PPIP5K1: variants seen among roughly 807,000 people sequenced by gnomAD.
PPIP5K1 encodes the protein inositol hexakisphosphate and diphosphoinositol-pentakisphosphate kinase 1.
A neutral mutation model predicts 27.7 loss-of-function variants in PPIP5K1; 6 were observed. The ratio of observed to expected loss-of-function variants is 0.22; its 90% CI spans 0.12 to 0.43. PPIP5K1 has a LOEUF of 0.43. PPIP5K1 is among the 20% of genes least tolerant of loss of function. PPIP5K1 has a pLI of 1.00. For missense variants in PPIP5K1, 394 were observed against 635.4 expected, an observed-to-expected ratio of 0.62 and a Z score of 4.08; for synonymous variants, 145 against 242.6, an observed-to-expected ratio of 0.60 and a Z score of 3.74.
At chr15:43,552,165 G>A (rs1370475987) in intron 30 of PPIP5K1, among the ~76,000 whole-genome samples, 1 of 151,884 alleles carries the variant, frequency 6.6e-6, no homozygotes, top group Middle Eastern at 3.2e-3. Context: ...ATATTGCCCA[G>A]ACAGGTCTTG....
chr15:43,557,219 G>A (rs115534220), intron 30 of PPIP5K1, among the ~76,000 whole-genome samples: 1 of 152,096 alleles, frequency 6.6e-6, no homozygotes, highest in Non-Finnish European at 1.5e-5. Context: ...CCCAAGGGGG[G>A]GTGGATCACC....
chr15:43,560,191 AGGGGGT>A (rs1349655778), intron 29 of PPIP5K1, among the ~76,000 whole-genome samples: 12 of 151,752 alleles, frequency 7.9e-5, no homozygotes, highest in African/African-American at 2.7e-4. Context: ...GAGTAACATT[AGGGGGT>A]GGTGAGAAAG....
At chr15:43,558,750 G>T in intron 30 of PPIP5K1, 45 bp downstream of exon 30, 1 of 1,608,274 alleles carries the variant, frequency 6.2e-7, no homozygotes, top group East Asian at 2.2e-5. Flanking sequence ...AGGAAGCATG[G>T]GCATGGGGGC....
chr15:43,555,767 G>A lies in PPIP5K1; in HGVS notation c.3556+3028C>T, dbSNP rs377477187. On this transcript the variant is annotated intron_variant, in intron 30 of 31. Coordinates refer to ENST00000420765, the MANE Select transcript of PPIP5K1 (RefSeq NM_001394395.1). ...ACTACAGGTGCATGCCACCATGCCCGGCTAATTTTTTGTATTTTAGTAGAG... is the reference window on the plus strand; with the variant it reads ...ACTACAGGTGCATGCCACCATGCCCAGCTAATTTTTTGTATTTTAGTAGAG... 5.3e-5 allele frequency among the ~76,000 whole-genome samples: 8 copies of A among 151,890 alleles called. No homozygotes were observed. In the South Asian group the frequency reaches 6.2e-4, roughly 12 times the overall value.
At chr15:43,555,105 G>C (rs2082766848) in intron 30 of PPIP5K1, among the ~76,000 whole-genome samples, 1 of 152,018 alleles carries the variant, frequency 6.6e-6, no homozygotes, top group Admixed American at 6.6e-5. Flanking sequence ...CCAAAGTGCT[G>C]GGATTACAGG....
At chr15:43,549,056 AATAT>A (rs762219321) in intron 30 of PPIP5K1, among the ~76,000 whole-genome samples, 1,802 of 54,160 alleles carry the variant, frequency 0.033, 37 homozygotes, top group African/African-American at 0.059. Context: ...AAAAAAAAAA[AATAT>A]ATATATATAT....
chr15:43,551,882 C>T (rs754783300), intron 30 of PPIP5K1, among the ~76,000 whole-genome samples: 5 of 151,960 alleles, frequency 3.3e-5, no homozygotes, highest in African/African-American at 4.8e-5. Flanking sequence ...GGATTACAGG[C>T]GTGAGCCACC....
At chr15:43,559,048 G>A (rs975465845) in intron 29 of PPIP5K1, 116 bp from the exon 30 acceptor site, 13 of 1,257,666 alleles carry the variant, frequency 1.0e-5, no homozygotes, top group South Asian at 1.3e-5. Context: ...CTTTTGGAGT[G>A]TTGGGTATCC....
rs2080938145 is a variant in PPIP5K1 at position 43,542,799 on chromosome 15, A to G, written c.3557-3216T>C. On this transcript the variant is annotated intron_variant, in intron 30 of 31. Transcript: ENST00000420765. ...TGGGCTCAAGCAATCCTCCAACATC[A>G]GCCCACTGAGTAACTAGGACTATAG... Among the ~76,000 whole-genome samples the G allele has an allele frequency of 1.3e-5, 2 of 151,654 alleles. 1 individual carries two copies. The highest frequency in any genetic ancestry group is 4.2e-4 in the South Asian group (2 of 4,790).
chr15:43,558,778 A>G lies in PPIP5K1; in HGVS notation c.3556+17T>C. 1 of 1,613,232 alleles carries G rather than the reference A, an allele frequency of 6.2e-7. No homozygotes were observed. The highest frequency in any genetic ancestry group is 1.1e-5 in the South Asian group (1 of 91,084). ...ATGGGGGCAGAGAGAAGGGTAAAAA[A>G]ATAAGAATATCCCTACCTGCAGATG... On this transcript the variant is annotated intron_variant, in intron 30 of 31. Transcript: ENST00000420765.
At chr15:43,547,120 T>C (rs2081471204) in intron 30 of PPIP5K1, among the ~76,000 whole-genome samples, 1 of 152,228 alleles carries the variant, frequency 6.6e-6, no homozygotes, top group Admixed American at 6.5e-5. Context: ...GGTATGTCAC[T>C]GTGGTTTAGA....
chr15:43,537,688 CAAAA>C (rs1229197125), intron 31 of PPIP5K1, among the ~76,000 whole-genome samples: 9 of 49,260 alleles, frequency 1.8e-4, no homozygotes, highest in African/African-American at 1.9e-4. Flanking sequence ...GACTCCATCT[CAAAA>C]AAAAAAAAAA....
At chr15:43,558,403 T>A (rs2083302254) in intron 30 of PPIP5K1, among the ~76,000 whole-genome samples, 1 of 152,088 alleles carries the variant, frequency 6.6e-6, no homozygotes, top group Admixed American at 6.6e-5. Context: ...AATTTTGGTA[T>A]TTTTAGTAGA....
At chr15:43,561,322 G>A in intron 28 of PPIP5K1, among the ~76,000 whole-genome samples, 1 of 118,708 alleles carries the variant, frequency 8.4e-6, no homozygotes, top group African/African-American at 3.3e-5. Flanking sequence ...TAGAGATACT[G>A]TATCCATTAC....
intron 31 of PPIP5K1, among the ~76,000 whole-genome samples, chr15:43,536,728 A>G (rs1432689355): frequency 1.3e-5 from 2 of 152,166 alleles, no homozygotes; most frequent in African/African-American, 4.8e-5. Flanking sequence ...GATTTCCTAC[A>G]TCCTGACAGT....
rs2080413557 is a variant in PPIP5K1, at chr15:43,539,731, C to T, written c.3557-148G>A. On this transcript the variant is annotated intron_variant, in intron 30 of 31. Coordinates refer to ENST00000420765, the MANE Select transcript of PPIP5K1 (RefSeq NM_001394395.1). ...TTTCCTGGGGACCCTTCAACCAAACCATTTTCAATTTTTTAAACGTTATAT... is the reference window on the plus strand; with the variant it reads ...TTTCCTGGGGACCCTTCAACCAAACTATTTTCAATTTTTTAAACGTTATAT... The T allele has an allele frequency of 1.1e-4, 63 of 580,556 alleles. 2 individuals are homozygous for T. In the South Asian group the frequency reaches 1.4e-3, roughly 13 times the overall value. The allele number at this position is 580,556 out of a possible 1,614,324, so 36.0% of individuals were successfully genotyped here.
chr15:43,543,728 T>C (rs2081047628), intron 30 of PPIP5K1, among the ~76,000 whole-genome samples: 2 of 151,822 alleles, frequency 1.3e-5, no homozygotes, highest in South Asian at 4.1e-4. Context: ...ATCTAATTTA[T>C]CTTACTTTGA....
At chr15:43,543,219 T>C (rs986312550) in intron 30 of PPIP5K1, among the ~76,000 whole-genome samples, 1 of 133,446 alleles carries the variant, frequency 7.5e-6, no homozygotes, top group Non-Finnish European at 1.5e-5. Context: ...TAAAATTTCA[T>C]GTGGTAGGAG....
intron 30 of PPIP5K1, among the ~76,000 whole-genome samples, chr15:43,552,429 G>C (rs2140919207): frequency 6.6e-6 from 1 of 151,424 alleles, no homozygotes; most frequent in South Asian, 2.1e-4. Context: ...TTGTTGGCTG[G>C]GCGCAGTGGC....
Sources: gnomAD v4.1 joint callset for allele counts (sites outside exome capture counted in the v4.1 genomes callset) on GRCh38, gnomAD v4.1.1 for gene constraint, MANE v1.5 for transcripts, NCBI Gene and HGNC (gene_info 2026-07-23, HGNC 2026-07-21) for gene names.